The following MYO3B variants were observed in gnomAD, a reference collection of about 807,000 sequenced individuals.
The protein encoded by MYO3B is myosin-IIIb.
In MYO3B, 156 loss-of-function variants were observed where a neutral mutation model predicts 174.6. The ratio of observed to expected loss-of-function variants is 0.89; its 90% CI spans 0.78 to 1.02. MYO3B has a LOEUF of 1.02. Among genes scored for constraint, MYO3B ranks in the 50% least tolerant of loss-of-function variants. MYO3B has a pLI of 0.00. For missense variants in MYO3B, 1,632 were observed against 1,639.4 expected (o/e 1.00, Z 0.08); for synonymous variants, 563 against 569.1 (o/e 0.99, Z 0.15).
chr2:170,242,958 TG>T (rs748143603), intron 7 of MYO3B, among the ~76,000 whole-genome samples: 21 of 152,054 alleles, frequency 1.4e-4, no homozygotes, highest in Admixed American at 7.9e-4. Context: ...GTTGGCATAA[TG>T]GTAGGGGCAG....
At chr2:170,596,518 A>G (rs1694159576) in intron 32 of MYO3B, among the ~76,000 whole-genome samples, 1 of 152,200 alleles carries the variant, frequency 6.6e-6, no homozygotes, top group African/African-American at 2.4e-5. Flanking sequence ...ATACCTACAC[A>G]TTACCACACA....
intron 1 of MYO3B, among the ~76,000 whole-genome samples, chr2:170,198,170 T>C (rs1217975305): frequency 6.6e-6 from 1 of 151,278 alleles, no homozygotes; most frequent in Non-Finnish European, 1.5e-5. Flanking sequence ...GGGCACCATG[T>C]GAAATTTCAT....
intron 32 of MYO3B, among the ~76,000 whole-genome samples, chr2:170,578,293 G>T (rs902894654): frequency 6.6e-6 from 1 of 152,242 alleles, no homozygotes; most frequent in African/African-American, 2.4e-5. Context: ...GGAGGAGGAA[G>T]GCGGGGCCAA....
intron 32 of MYO3B, among the ~76,000 whole-genome samples, chr2:170,620,112 G>A (rs147554075): frequency 1.8e-4 from 27 of 152,120 alleles, no homozygotes; most frequent in Non-Finnish European, 3.8e-4. Flanking sequence ...TAAGGACTTT[G>A]GCTTTTACTC....
intron 22 of MYO3B, among the ~76,000 whole-genome samples, chr2:170,427,218 C>T (rs17607736): frequency 0.11 from 17,117 of 152,116 alleles, 1,588 homozygotes; most frequent in East Asian, 0.51. Context: ...TGTAGAGTTC[C>T]TTCATCAGAT....
chr2:170,401,640 G>A lies in MYO3B; in HGVS notation c.2078G>A (p.Ser693Asn). The change falls in exon 18 of 35, where the codon AGC becomes AAC. Residue 693 changes from serine (S) to asparagine (N), a missense_variant. Ser to Asn is a conservative substitution (Grantham distance 46). Transcript: ENST00000408978. ...AAAGCCCTGTATGGGAGGCTCTTCA[G>A]CTGGATTGTGAATCGCATTAATACA... ...MSKALYGRLF[S>N]WIVNRINTLL... 6.2e-7 allele frequency: 1 copy of A among 1,614,074 alleles called. No individual in the cohort carries two copies. The highest frequency in any genetic ancestry group is 1.1e-5 in the South Asian group (1 of 91,080).
chr2:170,400,497 C>T (rs1035541091), intron 17 of MYO3B, among the ~76,000 whole-genome samples, 183 bp downstream of exon 17: 3 of 151,562 alleles, frequency 2.0e-5, no homozygotes, highest in African/African-American at 7.3e-5. Flanking sequence ...CCTCTGCCTC[C>T]CAGGTTCAAG....
chr2:170,565,269 T>G (rs1398246885), intron 32 of MYO3B, among the ~76,000 whole-genome samples: 1 of 152,208 alleles, frequency 6.6e-6, no homozygotes. Flanking sequence ...TGCCAATATA[T>G]TATTTGACCC....
chr2:170,590,594 A>AT (rs111705221), intron 32 of MYO3B, among the ~76,000 whole-genome samples: 27,585 of 140,540 alleles, frequency 0.2, 4,155 homozygotes, highest in African/African-American at 0.43. Context: ...TGATTGATTG[A>AT]TTTTTTTTTT....
chr2:170,251,738 T>C (rs563841375), intron 7 of MYO3B, among the ~76,000 whole-genome samples: 2 of 152,346 alleles, frequency 1.3e-5, no homozygotes, highest in African/African-American at 4.8e-5. Context: ...AATAAATTTC[T>C]GTTTTTCTAA....
At chr2:170,430,374 CTTT>C (rs11368801) in intron 22 of MYO3B, among the ~76,000 whole-genome samples, 1 of 136,718 alleles carries the variant, frequency 7.3e-6, no homozygotes, top group African/African-American at 2.7e-5. Context: ...TTCTGGATAG[CTTT>C]TTTTTTTTTT....
chr2:170,314,021 G>T (rs1181463458), intron 7 of MYO3B, among the ~76,000 whole-genome samples: 1 of 152,170 alleles, frequency 6.6e-6, no homozygotes, highest in Non-Finnish European at 1.5e-5. Flanking sequence ...AGGCTGACAA[G>T]TAAGAGGGGG....
At chr2:170,651,821 G>GGGGGGGGCCCCCC in intron 33 of MYO3B, 87 bp downstream of exon 33, 1 of 1,089,322 alleles carries the variant, frequency 9.2e-7, no homozygotes, top group Non-Finnish European at 1.4e-6. Flanking sequence ...AGCCCCTGCA[G>GGGGGGGGCCCCCC]CCCCACCCCC....
At chr2:170,602,293 C>T (rs567609005) in intron 32 of MYO3B, 29 of 730,884 alleles carry the variant, frequency 4.0e-5, no homozygotes, top group African/African-American at 1.2e-4. Flanking sequence ...TCACTTGCCC[C>T]GGCACTGTCT....
intron 25 of MYO3B, among the ~76,000 whole-genome samples, chr2:170,485,247 A>G (rs1187914652): frequency 5.3e-5 from 8 of 152,182 alleles, no homozygotes; most frequent in Non-Finnish European, 1.0e-4. Context: ...AAAATAATGT[A>G]TGAACACCCT....
At chr2:170,501,517 C>A (rs1687266954) in intron 27 of MYO3B, among the ~76,000 whole-genome samples, 1 of 152,142 alleles carries the variant, frequency 6.6e-6, no homozygotes, top group Non-Finnish European at 1.5e-5. Flanking sequence ...GTAGGGGTCC[C>A]ATGTGATTCA....
At chr2:170,417,417 TA>T (rs1313450237) in intron 22 of MYO3B, among the ~76,000 whole-genome samples, 42 of 152,372 alleles carry the variant, frequency 2.8e-4, no homozygotes, top group Middle Eastern at 3.4e-3. Flanking sequence ...ATTTGTTAAA[TA>T]ACTCAGTTAA....
intron 25 of MYO3B, among the ~76,000 whole-genome samples, chr2:170,481,670 A>G (rs1458842809): frequency 6.6e-6 from 1 of 152,172 alleles, no homozygotes; most frequent in Non-Finnish European, 1.5e-5. Context: ...ATTAGGGAGG[A>G]TGACAGCTTC....
chr2:170,533,600 A>C (rs919729719), intron 30 of MYO3B, among the ~76,000 whole-genome samples: 1 of 152,034 alleles, frequency 6.6e-6, no homozygotes, highest in African/African-American at 2.4e-5. Flanking sequence ...TTACTTTAAG[A>C]CTCCAGCCGA....
Sources: allele counts gnomAD v4.1 joint callset (sites outside exome capture counted in the v4.1 genomes callset), GRCh38; gene constraint gnomAD v4.1.1; transcripts MANE v1.5; gene names NCBI Gene and HGNC (gene_info 2026-07-23, HGNC 2026-07-21).